The following CMTM4 variants were observed in gnomAD, a reference collection of about 807,000 sequenced individuals.
CMTM4 encodes CKLF like MARVEL transmembrane domain containing 4, also known as CKLF-like MARVEL transmembrane domain-containing protein 4.
CMTM4 carries 8 observed loss-of-function variants against 19.0 expected under a neutral mutation model. The observed-to-expected ratio is 0.42, with a 90% CI of 0.25 to 0.76. The LOEUF is 0.76. CMTM4 is among the 30% of genes least tolerant of loss of function. CMTM4 has a pLI of 0.27. For missense variants in CMTM4, 228 were observed against 290.2 expected, an observed-to-expected ratio of 0.79 and a Z score of 1.56; for synonymous variants, 106 against 121.1, an observed-to-expected ratio of 0.88 and a Z score of 0.82.
Position 66,622,119 on chromosome 16 carries a change from C to T in CMTM4, c.566G>A (p.Arg189Gln), listed in dbSNP as rs2015648565. 4.4e-6 allele frequency: 7 copies of T among 1,607,684 alleles called. No individual in the cohort carries two copies. Among genetic ancestry groups the T allele is most frequent in the East Asian group, 4.5e-5 (2 of 44,758 alleles). The change falls in exon 4 of 4, where the codon CGA (arginine) becomes CAA (glutamine). Residue 189 changes from arginine to glutamine, a missense_variant. This residue lies in a region of CMTM4 where 200 missense variants were observed against 226.6 expected (regional missense o/e 0.88). Transcript: ENST00000394106. This position sits in a 1 kb window ranked among gnomAD's most constrained non-coding sequence, Gnocchi z 4.0. ...CACATCCCTGGACTCCGTGCGGGCT[C>T]GGATGTAGTCATTGGTGCTCTGCTG... ...VRQQSTNDYI[R>Q]ARTESRDVDS...
At chr16:66,639,698 C>A (rs1054790120) in intron 1 of CMTM4, among the ~76,000 whole-genome samples, 3 of 152,184 alleles carry the variant, frequency 2.0e-5, no homozygotes, top group Middle Eastern at 6.8e-3. Context: ...GCCTGGCCAA[C>A]ATGGCGAAAT....
At chr16:66,686,415 G>T (rs988082014) in intron 1 of CMTM4, among the ~76,000 whole-genome samples, 2 of 151,104 alleles carry the variant, frequency 1.3e-5, no homozygotes, top group African/African-American at 4.9e-5. Context: ...ACAAAAATTA[G>T]CCAGGCGCCT....
intron 2 of CMTM4, among the ~76,000 whole-genome samples, chr16:66,635,867 A>C (rs1004352909): frequency 1.3e-5 from 2 of 152,236 alleles, no homozygotes; most frequent in Non-Finnish European, 2.9e-5. Context: ...AAGGGTGGCC[A>C]AACAGAGCTA....
In CMTM4 at chr16:66,619,335, T is replaced by G. The variant is rs1285866315; in HGVS notation, c.*2723A>C. Reference sequence around the variant, plus strand: ...GAGGTTCCACCAAATGCTTGAGGGTTTCAGCTGTACAGTGTCCAGGAAAAA... The same window carrying G: ...GAGGTTCCACCAAATGCTTGAGGGTGTCAGCTGTACAGTGTCCAGGAAAAA... On this transcript the variant is annotated 3_prime_UTR_variant, in exon 4 of 4. Transcript: ENST00000394106. The G allele has an allele frequency of 1.0e-6, 1 of 985,302 alleles. No individual in the cohort carries two copies. The highest frequency in any genetic ancestry group is 1.7e-5 in the African/African-American group (1 of 57,244). The allele number at this position is 985,302 out of a possible 1,614,324, so 61.0% of individuals were successfully genotyped here.
downstream of CMTM4, chr16:66,613,205 G>A (rs1450301022): frequency 3.2e-5 from 22 of 693,314 alleles, no homozygotes; most frequent in Non-Finnish European, 4.5e-5. Context: ...TTGCCTTGTC[G>A]CCCAGGAAGT....
In CMTM4 at chr16:66,680,157, T is replaced by C. The variant is rs187061200; in HGVS notation, c.186+16183A>G. ...TGATTGAGAAATGAATTTAATGTAC[T>C]GTAAACTAAAAGCAAGAAATATAAT... On this transcript the variant is annotated intron_variant, in intron 1 of 3. Coordinates refer to ENST00000394106, the MANE Select transcript of CMTM4 (RefSeq NM_181521.3). Among the ~76,000 whole-genome samples the C allele has an allele frequency of 8.9e-4, 136 of 152,306 alleles. 2 individuals carry two copies. In the East Asian group the frequency reaches 0.015, roughly 17 times the overall value.
At chr16:66,654,404 G>A (rs763670571) in intron 1 of CMTM4, among the ~76,000 whole-genome samples, 35 of 151,950 alleles carry the variant, frequency 2.3e-4, no homozygotes, top group South Asian at 1.5e-3. Context: ...CCAGGGCCTC[G>A]CCTCTGCTGC....
Position 66,623,414 on chromosome 16 carries a change from AT to A in CMTM4, c.451del (p.Ile151LeufsTer4). The A allele has an allele frequency of 1.2e-6, 2 of 1,612,694 alleles. No homozygotes were observed. Among genetic ancestry groups the A allele is most frequent in the Non-Finnish European group, 1.7e-6 (2 of 1,179,596 alleles). ...AALNHRAGAE[I>X]AAVIFGFLAT... ...TTTGAGTTTGCTTACCACGGCAGCA[AT>A]TTCTGCTCCGGCTCTATGGTTTAAA... On this transcript the variant is annotated frameshift_variant, in exon 3 of 4. Coordinates refer to ENST00000394106, the MANE Select transcript of CMTM4 (RefSeq NM_181521.3). LOFTEE classifies it high-confidence loss of function.
intron 1 of CMTM4, among the ~76,000 whole-genome samples, chr16:66,658,827 G>A (rs964164324): frequency 1.3e-5 from 2 of 152,126 alleles, no homozygotes; most frequent in Non-Finnish European, 2.9e-5. Context: ...AAGAATGGCT[G>A]ATCTAGCTCG....
chr16:66,631,261 G>T (rs1243136601), intron 2 of CMTM4, among the ~76,000 whole-genome samples: 1 of 149,868 alleles, frequency 6.7e-6, no homozygotes, highest in Non-Finnish European at 1.5e-5. Context: ...GGAGGGAGGT[G>T]GGGGGTCAGC....
chr16:66,611,294 A>G (rs1024106371), downstream of CMTM4, among the ~76,000 whole-genome samples: 2 of 152,156 alleles, frequency 1.3e-5, no homozygotes, highest in Non-Finnish European at 2.9e-5. Context: ...CTCTACTAAA[A>G]ATACAAAAAT....
chr16:66,646,603 T>C (rs895307962), intron 1 of CMTM4, among the ~76,000 whole-genome samples: 4 of 152,096 alleles, frequency 2.6e-5, no homozygotes, highest in African/African-American at 4.8e-5. Flanking sequence ...GAAAAAAAAA[T>C]TAAATGCCCT....
chr16:66,626,090 A>G (rs1175457286), intron 2 of CMTM4, among the ~76,000 whole-genome samples: 1 of 152,194 alleles, frequency 6.6e-6, no homozygotes, highest in Non-Finnish European at 1.5e-5. Context: ...CAACTGCAAG[A>G]CCCTCTACAG....
chr16:66,686,113 C>T (rs1025722030), intron 1 of CMTM4, among the ~76,000 whole-genome samples: 7 of 151,640 alleles, frequency 4.6e-5, no homozygotes, highest in African/African-American at 7.3e-5. Flanking sequence ...GTTAGCTGGG[C>T]GTGGTGGCAC....
At chr16:66,607,244 A>G in the CMTM4 span, among the ~76,000 whole-genome samples, 1 of 152,218 alleles carries the variant, frequency 6.6e-6, no homozygotes, top group Non-Finnish European at 1.5e-5. Flanking sequence ...CCCAGGGCTC[A>G]ACATCCTCCT....
intron 1 of CMTM4, among the ~76,000 whole-genome samples, chr16:66,670,412 C>T (rs1264429892): frequency 6.9e-6 from 1 of 144,148 alleles, no homozygotes; most frequent in South Asian, 2.2e-4. Flanking sequence ...CAAGATCCAA[C>T]CTGGGCGACA....
intron 1 of CMTM4, among the ~76,000 whole-genome samples, chr16:66,642,581 T>C (rs1252560404): frequency 6.6e-6 from 1 of 152,108 alleles, no homozygotes; most frequent in African/African-American, 2.4e-5. Context: ...CTGGGTGTGG[T>C]GGCACATGCC....
At chr16:66,652,697 G>A (rs184155813) in intron 1 of CMTM4, among the ~76,000 whole-genome samples, 1 of 152,128 alleles carries the variant, frequency 6.6e-6, no homozygotes, top group East Asian at 1.9e-4. Context: ...TTTATTTTTT[G>A]GTATCTAACT....
downstream of CMTM4, chr16:66,613,309 A>G (rs1049453151): frequency 1.0e-5 from 6 of 598,442 alleles, no homozygotes; most frequent in Admixed American, 8.6e-5. Flanking sequence ...TGTTTCAAAG[A>G]AGAGCTCATA....
Sources: gnomAD v4.1 joint callset for allele counts (sites outside exome capture counted in the v4.1 genomes callset) on GRCh38, gnomAD v4.1.1 for gene constraint, gnomAD v4.1.1 regional missense constraint, Gnocchi (gnomAD v3.1) non-coding constraint, MANE v1.5 for transcripts, NCBI Gene and HGNC (gene_info 2026-07-23, HGNC 2026-07-21) for gene names.